DELE1: variants seen among roughly 807,000 people sequenced by gnomAD.
DELE1 encodes the protein death ligand signal enhancer.
DELE1 carries 54 observed loss-of-function variants against 59.3 expected under a neutral mutation model. The ratio of observed to expected loss-of-function variants is 0.91; its 90% confidence interval spans 0.73 to 1.14. The LOEUF is 1.14. Among genes scored for constraint, DELE1 ranks in the 50% most tolerant of loss-of-function variants. The pLI is 0.00. For missense variants in DELE1, 636 were observed against 643.9 expected, an observed-to-expected ratio of 0.99 and a Z score of 0.13; for synonymous variants, 264 against 259.1, an observed-to-expected ratio of 1.02 and a Z score of -0.18.
chr5:141,926,072 G>A lies in DELE1; in HGVS notation c.264+545G>A, dbSNP rs551901561. Among the ~76,000 whole-genome samples, 322 of 152,082 alleles carry A rather than the reference G, an allele frequency of 2.1e-3. 1 individual carries two copies. The highest frequency in any genetic ancestry group is 7.4e-3 in the African/African-American group (307 of 41,486). Reference sequence around the variant, plus strand: ...TTTTTGTGTTTTTAGTAGAGACGGGGTTTCACCATTTTGGCCAGGATGGTC... The same window carrying A: ...TTTTTGTGTTTTTAGTAGAGACGGGATTTCACCATTTTGGCCAGGATGGTC... On this transcript the variant is annotated intron_variant, in intron 3 of 11. Transcript: ENST00000432126.
chr5:141,928,205 T>C lies in DELE1; in HGVS notation c.319T>C (p.Ser107Pro). The C allele has an allele frequency of 6.2e-7, 1 of 1,614,186 alleles. No individual in the cohort carries two copies. The highest frequency in any genetic ancestry group is 8.5e-7 in the Non-Finnish European group (1 of 1,180,010). Residue 107 changes from serine to proline, a missense_variant, in exon 4 of 12, where the codon TCC becomes CCC. Ser to Pro is a moderately conservative substitution (Grantham distance 74). Coordinates refer to ENST00000432126, the MANE Select transcript of DELE1 (RefSeq NM_014773.5). ...GGCAAGGCAGATCCACTTCCAGGCATCCCTGCCAGCAGGACCTCAGCGGGT... is the reference window on the plus strand; with the variant it reads ...GGCAAGGCAGATCCACTTCCAGGCACCCCTGCCAGCAGGACCTCAGCGGGT... ...QLARQIHFQA[S>P]LPAGPQRVEH...
chr5:141,934,664 T>C, intron 10 of DELE1, 78 bp downstream of exon 10: 1 of 1,357,186 alleles, frequency 7.4e-7, no homozygotes, highest in Non-Finnish European at 1.1e-6. Context: ...TACTGAGTTC[T>C]TCTGTGCTTA....
At position 141,937,775 on chromosome 5, in the gene DELE1, A is replaced by G. The variant is rs2126899616; in HGVS notation, c.1309+418A>G. ...GACAGAGCAAGATTCTGTTTCAAAA[A>G]AAAAAAAAAAAAAAAGAATGCAGCT... is the stretch of plus-strand genomic sequence containing the variant. On this transcript the variant is annotated intron_variant, in intron 11 of 11. Coordinates refer to ENST00000432126, the MANE Select transcript of DELE1 (RefSeq NM_014773.5). 1.3e-5 allele frequency among the ~76,000 whole-genome samples: 2 copies of G among 148,470 alleles called. 1 individual carries two copies. Among genetic ancestry groups the G allele is most frequent in the East Asian group, 4.0e-4 (2 of 5,004 alleles).
chr5:141,932,721 C>G (rs918859634), intron 7 of DELE1, among the ~76,000 whole-genome samples: 2 of 152,112 alleles, frequency 1.3e-5, no homozygotes, highest in African/African-American at 4.8e-5. Context: ...ATGCTACTAC[C>G]AAGAGAAGGA....
chr5:141,930,071 A>G lies in DELE1; in HGVS notation c.654A>G (p.Glu218=). 1 of 1,614,116 alleles carries G rather than the reference A, an allele frequency of 6.2e-7. No individual in the cohort carries two copies. The highest frequency in any genetic ancestry group is 1.1e-5 in the South Asian group (1 of 91,082). The part of the protein sequence containing the change: ...AKPAQPQPTG[E]KEQDKSKTLS... The stretch of plus-strand genomic sequence containing the variant: ...CAGCCCAGCCTCAGCCCACTGGTGA[A>G]AAGGTATTATCCAGATTTGGCCACC... The change falls in exon 6 of 12, where the codon GAA becomes GAG. Residue 218 remains glutamate, a synonymous_variant. Transcript: ENST00000432126.
intron 1 of DELE1, 22 bp downstream of exon 1, chr5:141,923,994 A>G (rs1751147237): frequency 7.5e-6 from 12 of 1,607,208 alleles, no homozygotes; most frequent in East Asian, 6.7e-5. Flanking sequence ...CCAAGCAACC[A>G]GCGTCACTCT....
rs1751332157 is a variant in DELE1 at position 141,925,546 on chromosome 5, G to C, written c.264+19G>C. 6.6e-7 allele frequency: 1 copy of C among 1,512,428 alleles called. No homozygotes were observed. The highest frequency in any genetic ancestry group is 9.0e-7 in the Non-Finnish European group (1 of 1,108,450). The allele number at this position is 1,512,428 out of a possible 1,614,324, so 93.7% of individuals were successfully genotyped here. A position where few individuals can be genotyped will look rare whatever the true frequency, so the allele number is the denominator to read the frequency against. On this transcript the variant is annotated intron_variant, in intron 3 of 11. Transcript: ENST00000432126. ...ATCTTGGGTAAGGCTTCCCCAGCCT[G>C]GTCCTTGACCTTCAGTGTAGATGAG...
rs768781439 is a variant in DELE1 at position 141,934,508 on chromosome 5, CG to C, written c.1075del (p.Val359CysfsTer15). ...SGLREAQAFL[G>X]VLFTKEPYLD... ...CTTGACCACAGGCCCAAGCTTTCCT[CG>C]GGGTGCTTTTCACCAAGGAGCCCTA... On this transcript the variant is annotated frameshift_variant, in exon 10 of 12. Coordinates refer to ENST00000432126, the MANE Select transcript of DELE1 (RefSeq NM_014773.5). LOFTEE classifies it high-confidence loss of function. The C allele has an allele frequency of 4.3e-6, 7 of 1,614,246 alleles. No individual in the cohort carries two copies. The highest frequency in any genetic ancestry group is 1.6e-4 in the Middle Eastern group (1 of 6,062).
At chr5:141,934,741 C>T (rs1176716690) in intron 10 of DELE1, 155 bp downstream of exon 10, 17 of 708,312 alleles carry the variant, frequency 2.4e-5, no homozygotes, top group South Asian at 5.5e-5. Context: ...ACTGTGTGAC[C>T]GTTGGGCAGT....
chr5:141,935,478 C>G (rs1432079562), intron 10 of DELE1, among the ~76,000 whole-genome samples: 2 of 152,212 alleles, frequency 1.3e-5, no homozygotes, highest in Non-Finnish European at 2.9e-5. Flanking sequence ...TATGCGTGAA[C>G]TGTAATCTCC....
chr5:141,936,949 G>A, intron 10 of DELE1: 3 of 1,294,922 alleles, frequency 2.3e-6, no homozygotes, highest in Non-Finnish European at 3.0e-6. Flanking sequence ...CTATGCAAGA[G>A]AAGCCTCCAC....
Position 141,940,902 on chromosome 5 carries a change from T to C in DELE1, c.*2143T>C, listed in dbSNP as rs2126908001. ...AAAGGTTTCTGTGGTTAAATAAGTT[T>C]GGGAAATGCTGCACCAGACGTCCCC... is the stretch of plus-strand genomic sequence containing the variant. On this transcript the variant is annotated 3_prime_UTR_variant, in exon 12 of 12. Transcript: ENST00000432126. 1.0e-6 allele frequency: 1 copy of C among 983,084 alleles called. No homozygotes were observed. The highest frequency in any genetic ancestry group is 1.2e-6 in the Non-Finnish European group (1 of 827,806). 60.9% of individuals were successfully genotyped at this position (983,084 alleles called of 1,614,324 possible). A position where few individuals can be genotyped will look rare whatever the true frequency, so the allele number is the denominator to read the frequency against.
Position 141,924,636 on chromosome 5 carries a change from C to G in DELE1, c.87C>G (p.Ser29Arg), listed in dbSNP as rs1276914932. 4 of 1,614,016 alleles carry G rather than the reference C, an allele frequency of 2.5e-6. No individual in the cohort carries two copies. The highest frequency in any genetic ancestry group is 1.7e-5 in the Admixed American group (1 of 60,010). ...GGAGGGTGACTCCTAAGTCCACCAG[C>G]CCAGATGGGCCTCAGACTACCTCCT... Reference protein sequence around the residue: ...SLWRVTPKSTSPDGPQTTSST... With the variant: ...SLWRVTPKSTRPDGPQTTSST... Residue 29 changes from serine (S) to arginine (R), a missense_variant, in exon 2 of 12, where the codon AGC becomes AGG. By Grantham distance (110) the Ser-to-Arg change is moderately radical. Transcript: ENST00000432126.
chr5:141,925,036 T>C (rs1041820789), intron 2 of DELE1, among the ~76,000 whole-genome samples: 1 of 152,094 alleles, frequency 6.6e-6, no homozygotes, highest in Non-Finnish European at 1.5e-5. Context: ...CAAGCGATTC[T>C]GCTGCCTCAG....
At position 141,939,096 on chromosome 5, in the gene DELE1, T is replaced by C. The variant is rs1752588762; in HGVS notation, c.*337T>C. 1.3e-5 allele frequency: 14 copies of C among 1,054,014 alleles called. No individual in the cohort carries two copies. The South Asian group carries it at 4.7e-4, about 36-fold the overall frequency. 65.3% of individuals were successfully genotyped at this position (1,054,014 alleles called of 1,614,324 possible). On this transcript the variant is annotated 3_prime_UTR_variant, in exon 12 of 12. Coordinates refer to ENST00000432126, the MANE Select transcript of DELE1 (RefSeq NM_014773.5). Reference sequence around the variant, plus strand: ...AAATAACTTACCTTCTTCCTTCTTATGCCTGGGTTTTCTCACACTTAAATC... The same window carrying C: ...AAATAACTTACCTTCTTCCTTCTTACGCCTGGGTTTTCTCACACTTAAATC...
In DELE1 at chr5:141,940,346, A is replaced by C; in HGVS notation, c.*1587A>C. 1 of 985,460 alleles carries C rather than the reference A, an allele frequency of 1.0e-6. No homozygotes were observed. The highest frequency in any genetic ancestry group is 1.2e-6 in the Non-Finnish European group (1 of 829,936). 61.0% of individuals were successfully genotyped at this position (985,460 alleles called of 1,614,324 possible). A position where few individuals can be genotyped will look rare whatever the true frequency, so the allele number is the denominator to read the frequency against. On this transcript the variant is annotated 3_prime_UTR_variant, in exon 12 of 12. Transcript: ENST00000432126. Reference sequence around the variant, plus strand: ...AATGAGTCCAGTTACTGAATTTGTGAATAGCTATTCCCTGGCTTCTGGATG... The same window carrying C: ...AATGAGTCCAGTTACTGAATTTGTGCATAGCTATTCCCTGGCTTCTGGATG...
At chr5:141,928,006 C>T in intron 3 of DELE1, 145 bp from the exon 4 acceptor site, 1 of 805,660 alleles carries the variant, frequency 1.2e-6, no homozygotes, top group East Asian at 2.5e-5. Flanking sequence ...GGTCAGGGCT[C>T]CAGAGAAGTT....
At chr5:141,932,120 T>C (rs1261466249) in intron 7 of DELE1, among the ~76,000 whole-genome samples, 1 of 152,200 alleles carries the variant, frequency 6.6e-6, no homozygotes, top group African/African-American at 2.4e-5. Context: ...AAAAAGTGTT[T>C]AAGCCTGAGT....
intron 9 of DELE1, 32 bp from the exon 10 acceptor site, chr5:141,934,462 G>T (rs753414912): frequency 1.2e-6 from 2 of 1,614,196 alleles, no homozygotes; most frequent in Non-Finnish European, 1.7e-6. Flanking sequence ...AAGTGACCAA[G>T]ATGCCTTCTT....
Sources: allele counts gnomAD v4.1 joint callset (sites outside exome capture counted in the v4.1 genomes callset), GRCh38; gene constraint gnomAD v4.1.1; transcripts MANE v1.5; gene names NCBI Gene and HGNC (gene_info 2026-07-23, HGNC 2026-07-21).